The following FNDC3A variants were observed in gnomAD, a reference collection of about 807,000 sequenced individuals.
FNDC3A encodes the protein fibronectin type III domain containing 3A.
FNDC3A carries 32 observed loss-of-function variants against 148.9 expected under a neutral mutation model. The observed-to-expected ratio is 0.21, with a 90% confidence interval of 0.16 to 0.29. FNDC3A has a LOEUF of 0.29. Among genes scored for constraint, FNDC3A ranks in the 10% least tolerant of loss-of-function variants. The pLI, the probability that FNDC3A is intolerant of heterozygous loss-of-function variation, is 1.00. For synonymous variants in FNDC3A, 472 were observed against 473.6 expected (o/e 1.00, Z 0.04); for missense variants, 1,191 against 1,452.8 (o/e 0.82, Z 2.93).
At chr13:49,040,154 G>A (rs760754055) in intron 2 of FNDC3A, among the ~76,000 whole-genome samples, 3 of 152,064 alleles carry the variant, frequency 2.0e-5, no homozygotes, top group African/African-American at 7.2e-5. Flanking sequence ...GGTAGTAGCC[G>A]CCTTACCAAA....
At chr13:49,083,778 T>G (rs1434559784) in intron 3 of FNDC3A, among the ~76,000 whole-genome samples, 1 of 152,210 alleles carries the variant, frequency 6.6e-6, no homozygotes, top group Admixed American at 6.5e-5. Flanking sequence ...AAAATGGAGT[T>G]GTTTGTTATA....
intron 2 of FNDC3A, among the ~76,000 whole-genome samples, chr13:49,041,917 C>G (rs574838621): frequency 6.6e-6 from 1 of 151,938 alleles, no homozygotes; most frequent in East Asian, 1.9e-4. Flanking sequence ...TCATAGTGAG[C>G]TTTTATTCTA....
chr13:49,044,854 G>A, intron 2 of FNDC3A: 1 of 350,432 alleles, frequency 2.9e-6, no homozygotes, highest in Non-Finnish European at 5.7e-6. Flanking sequence ...GTTTGTGCAA[G>A]GTTCAAAAAC....
chr13:49,020,430 A>T (rs1426847599), intron 2 of FNDC3A, among the ~76,000 whole-genome samples: 2 of 152,376 alleles, frequency 1.3e-5, no homozygotes, highest in East Asian at 3.9e-4. Flanking sequence ...TATCAGTCAG[A>T]ATAGGCAAGA....
chr13:49,128,542 G>T (rs1000406447), intron 4 of FNDC3A, among the ~76,000 whole-genome samples: 1 of 152,024 alleles, frequency 6.6e-6, no homozygotes, highest in Non-Finnish European at 1.5e-5. Context: ...AATGTCTCCA[G>T]ACCCTACCAC....
intron 1 of FNDC3A, among the ~76,000 whole-genome samples, chr13:48,983,123 C>T (rs1309385590): frequency 6.6e-6 from 1 of 152,132 alleles, no homozygotes; most frequent in Non-Finnish European, 1.5e-5. Flanking sequence ...AAATGAATGT[C>T]ACACTCCCTC....
chr13:49,039,808 G>A (rs140519215), intron 2 of FNDC3A, among the ~76,000 whole-genome samples: 51 of 152,116 alleles, frequency 3.4e-4, no homozygotes, highest in Admixed American at 9.2e-4. Flanking sequence ...TTCGCCTCCC[G>A]GATTCAAGCG....
intron 8 of FNDC3A, among the ~76,000 whole-genome samples, chr13:49,159,395 G>A (rs1173916761): frequency 3.9e-5 from 6 of 152,168 alleles, no homozygotes; most frequent in Non-Finnish European, 5.9e-5. Context: ...GTGAATGGGA[G>A]TTCACTCATG....
At chr13:49,064,411 C>CCCCAA (rs1555286179) in intron 2 of FNDC3A, among the ~76,000 whole-genome samples, 9 of 90,056 alleles carry the variant, frequency 1.0e-4, no homozygotes, top group East Asian at 3.4e-4. Context: ...GCCCCCCCCC[C>CCCCAA]AAAAAAAAAA....
intron 2 of FNDC3A, chr13:49,045,107 CT>C: frequency 5.4e-6 from 1 of 185,484 alleles, no homozygotes; most frequent in South Asian, 9.0e-5. Flanking sequence ...TTGCCTTTCC[CT>C]TTCCTTTTTT....
chr13:49,008,173 A>G (rs1952259258), intron 2 of FNDC3A, among the ~76,000 whole-genome samples: 1 of 152,198 alleles, frequency 6.6e-6, no homozygotes, highest in Non-Finnish European at 1.5e-5. Flanking sequence ...GATTTCAATA[A>G]ATAGAGATAG....
intron 2 of FNDC3A, among the ~76,000 whole-genome samples, chr13:49,025,892 T>C (rs767764839): frequency 6.6e-6 from 1 of 152,220 alleles, no homozygotes; most frequent in Non-Finnish European, 1.5e-5. Flanking sequence ...TGAAAAAATG[T>C]ATCTTCCAAA....
Position 49,136,500 on chromosome 13 carries a change from G to T in FNDC3A, c.659G>T (p.Gly220Val). ...KCPSPINEHN[G>V]LIKGQIAGGI... ...CCTTCTCCCATTAATGAACATAATG[G>T]ACTTATAAAAGGACAAATTGCTGGT... The change falls in exon 6 of 26, where the codon GGA becomes GTA. Residue 220 changes from glycine (G) to valine (V), a missense_variant. By Grantham distance (109) the Gly-to-Val change is moderately radical. Coordinates refer to ENST00000492622, the MANE Select transcript of FNDC3A (RefSeq NM_001079673.2). 6.2e-7 allele frequency: 1 copy of T among 1,614,022 alleles called. No homozygotes were observed. The highest frequency in any genetic ancestry group is 8.5e-7 in the Non-Finnish European group (1 of 1,179,970).
At chr13:49,177,811 TA>T (rs1411875372) in intron 13 of FNDC3A, among the ~76,000 whole-genome samples, 4 of 152,156 alleles carry the variant, frequency 2.6e-5, no homozygotes, top group African/African-American at 7.2e-5. Flanking sequence ...GACTCCATAT[TA>T]TATGATTCCA....
intron 15 of FNDC3A, 104 bp from the exon 16 acceptor site, chr13:49,187,018 T>TC: frequency 3.6e-6 from 1 of 280,860 alleles, no homozygotes; most frequent in Non-Finnish European, 6.4e-6. Context: ...TTGCAGGTGA[T>TC]TTTTTTTTTT....
chr13:49,048,843 C>A (rs1875614527), intron 2 of FNDC3A, among the ~76,000 whole-genome samples: 1 of 152,150 alleles, frequency 6.6e-6, no homozygotes, highest in Non-Finnish European at 1.5e-5. Context: ...GCTAGGACTT[C>A]CAATATTCAC....
At chr13:49,139,207 A>G (rs893908361) in intron 7 of FNDC3A, among the ~76,000 whole-genome samples, 1 of 152,156 alleles carries the variant, frequency 6.6e-6, no homozygotes, top group African/African-American at 2.4e-5. Context: ...AAAAAGTGCA[A>G]AAGTGGAAGG....
chr13:49,019,822 A>G (rs1227263932), intron 2 of FNDC3A, among the ~76,000 whole-genome samples: 2 of 152,202 alleles, frequency 1.3e-5, no homozygotes, highest in Non-Finnish European at 2.9e-5. Context: ...GTTGGTATCA[A>G]AGATGTGCTG....
chr13:49,004,996 A>C (rs911543463), intron 1 of FNDC3A, among the ~76,000 whole-genome samples: 1 of 151,872 alleles, frequency 6.6e-6, no homozygotes, highest in Non-Finnish European at 1.5e-5. Context: ...CAGAAGTTAG[A>C]TTTGCATTAT....
Sources: gnomAD v4.1 joint callset for allele counts (sites outside exome capture counted in the v4.1 genomes callset) on GRCh38, gnomAD v4.1.1 for gene constraint, MANE v1.5 for transcripts, NCBI Gene and HGNC (gene_info 2026-07-23, HGNC 2026-07-21) for gene names.